Variants in NXPE2 observed in about 807,000 individuals in gnomAD.
NXPE2 encodes neurexophilin and PC-esterase domain family member 2, also known as NXPE family member 2.
NXPE2 carries 34 observed loss-of-function variants against 34.4 expected under a neutral mutation model. The ratio of observed to expected loss-of-function variants is 0.99; its 90% confidence interval spans 0.75 to 1.31. NXPE2 has a LOEUF of 1.31. Ranked by LOEUF, NXPE2 falls within the 40% of genes most tolerant of loss-of-function variation. The pLI is 0.00. For missense variants in NXPE2, 649 were observed against 672.5 expected, an observed-to-expected ratio of 0.97 and a Z score of 0.39; for synonymous variants, 235 against 231.3, an observed-to-expected ratio of 1.02 and a Z score of -0.15.
At chr11:114,481,779 C>T in the NXPE2 span, among the ~76,000 whole-genome samples, 1 of 152,212 alleles carries the variant, frequency 6.6e-6, no homozygotes, top group Non-Finnish European at 1.5e-5. Flanking sequence ...ATCTATCTCC[C>T]TTCTAAAGGG....
At chr11:114,663,979 G>C in the NXPE2 span, among the ~76,000 whole-genome samples, 164 of 152,224 alleles carry the variant, frequency 1.1e-3, no homozygotes, top group African/African-American at 3.9e-3. Flanking sequence ...CTTCAAAACA[G>C]TTTGACAGTT....
the NXPE2 span, among the ~76,000 whole-genome samples, chr11:114,533,155 C>T: frequency 1.3e-5 from 2 of 152,178 alleles, no homozygotes; most frequent in South Asian, 4.2e-4. Flanking sequence ...CTTTTTTTCC[C>T]TTCTTTTCTT....
chr11:114,725,993 A>ATATATATATATATATAT, the NXPE2 span, among the ~76,000 whole-genome samples: 4 of 127,362 alleles, frequency 3.1e-5, no homozygotes, highest in Admixed American at 1.7e-4. Context: ...ATATATATAT[A>ATATATATATATATATAT]AAAAGAAAAA....
intron 2 of NXPE2, among the ~76,000 whole-genome samples, chr11:114,680,173 G>A (rs1009624309): frequency 6.6e-6 from 1 of 152,022 alleles, no homozygotes; most frequent in African/African-American, 2.4e-5. Context: ...CCCTTTGTAA[G>A]TTTTTCTTAA....
chr11:114,594,881 G>A, the NXPE2 span: 1 of 601,734 alleles, frequency 1.7e-6, no homozygotes, highest in Admixed American at 3.1e-5. Flanking sequence ...TTTAGCCTCA[G>A]ATAAATAACT....
the NXPE2 span, among the ~76,000 whole-genome samples, chr11:114,743,802 T>G: frequency 0.015 from 2,314 of 151,718 alleles, 64 homozygotes; most frequent in African/African-American, 0.053. Flanking sequence ...TATATGTGTG[T>G]GTGTGTATGT....
rs533092484 is a variant in NXPE2 at position 114,703,587 on chromosome 11, A to G, written c.867-404A>G. On this transcript the variant is annotated intron_variant, in intron 3 of 5. Coordinates refer to ENST00000389586, the MANE Select transcript of NXPE2 (RefSeq NM_182495.6). ...AGGGTTGATGAGGGCCTGAATTACT[A>G]CAGGTGGAAATGTGGAGAGGGTAGT... Among the ~76,000 whole-genome samples the G allele has an allele frequency of 4.6e-5, 7 of 152,310 alleles. No individual in the cohort carries two copies. The South Asian group carries it at 1.4e-3, about 32-fold the overall frequency.
At chr11:114,791,914 C>G in the NXPE2 span, among the ~76,000 whole-genome samples, 3 of 152,054 alleles carry the variant, frequency 2.0e-5, no homozygotes, top group Non-Finnish European at 4.4e-5. Flanking sequence ...AAAAATTAGC[C>G]GGGCATGGTG....
chr11:114,613,429 A>C, the NXPE2 span, among the ~76,000 whole-genome samples: 1 of 151,536 alleles, frequency 6.6e-6, no homozygotes, highest in Non-Finnish European at 1.5e-5. Context: ...GTGGATAATA[A>C]GTGTTGCCTC....
chr11:114,495,050 T>C, the NXPE2 span, among the ~76,000 whole-genome samples: 1 of 152,176 alleles, frequency 6.6e-6, no homozygotes, highest in East Asian at 1.9e-4. Context: ...TTCCTTTACT[T>C]TCACCCAAGC....
At chr11:114,608,596 G>A in the NXPE2 span, among the ~76,000 whole-genome samples, 1 of 151,672 alleles carries the variant, frequency 6.6e-6, no homozygotes, top group African/African-American at 2.4e-5. Flanking sequence ...AATAATTGTT[G>A]CCTCTAGGGT....
At chr11:114,773,934 T>C in the NXPE2 span, among the ~76,000 whole-genome samples, 2 of 152,226 alleles carry the variant, frequency 1.3e-5, no homozygotes, top group Non-Finnish European at 2.9e-5. Flanking sequence ...GTCTCCAGCT[T>C]AAGACGGCAG....
chr11:114,810,923 G>A, the NXPE2 span, among the ~76,000 whole-genome samples: 1 of 152,082 alleles, frequency 6.6e-6, no homozygotes, highest in Non-Finnish European at 1.5e-5. Flanking sequence ...CAATAGCAAA[G>A]ACTTGGAACT....
the NXPE2 span, among the ~76,000 whole-genome samples, chr11:114,508,350 A>G: frequency 6.6e-6 from 1 of 152,224 alleles, no homozygotes; most frequent in Non-Finnish European, 1.5e-5. Flanking sequence ...TACTATTCCT[A>G]TTCAACTACC....
chr11:114,642,560 C>T, the NXPE2 span, among the ~76,000 whole-genome samples: 1 of 152,028 alleles, frequency 6.6e-6, no homozygotes, highest in African/African-American at 2.4e-5. Flanking sequence ...TGATGGTTTC[C>T]AGCTTCATCT....
the NXPE2 span, chr11:114,554,314 C>A: frequency 1.0e-6 from 1 of 984,742 alleles, no homozygotes. Context: ...TGTGCCATAC[C>A]TCCTCCAGGT....
the NXPE2 span, chr11:114,513,005 G>C: frequency 2.7e-6 from 1 of 372,748 alleles, no homozygotes; most frequent in Non-Finnish European, 5.4e-6. Flanking sequence ...CCTTCACTGG[G>C]GTGGGTGAGC....
At chr11:114,581,904 C>G in the NXPE2 span, 10 of 703,794 alleles carry the variant, frequency 1.4e-5, no homozygotes, top group East Asian at 2.7e-4. Context: ...ATTATGCCTA[C>G]AGTTTCAGGC....
the NXPE2 span, among the ~76,000 whole-genome samples, chr11:114,536,271 A>G: frequency 1.8e-3 from 271 of 152,330 alleles, 2 homozygotes; most frequent in Non-Finnish European, 2.5e-4. Context: ...TCTCTGGGAC[A>G]TATTCAAAGC....
Sources: gnomAD v4.1 joint callset for allele counts (sites outside exome capture counted in the v4.1 genomes callset) on GRCh38, gnomAD v4.1.1 for gene constraint, MANE v1.5 for transcripts, NCBI Gene and HGNC (gene_info 2026-07-23, HGNC 2026-07-21) for gene names.